LDB2: variants seen among roughly 807,000 people sequenced by gnomAD.
The protein encoded by LDB2 is LIM domain binding 2.
LDB2 carries 12 observed loss-of-function variants against 44.3 expected under a neutral mutation model. That is an observed-to-expected ratio of 0.27 (90% CI 0.17 to 0.44). The LOEUF is 0.44. LDB2 is among the 20% of genes least tolerant of loss of function. The pLI is 1.00. For missense variants in LDB2, 344 were observed against 473.5 expected (o/e 0.73, Z 2.54); for synonymous variants, 164 against 174.8 (o/e 0.94, Z 0.49).
intron 3 of LDB2, among the ~76,000 whole-genome samples, chr4:16,594,955 A>T (rs1720386182): frequency 1.3e-5 from 2 of 152,362 alleles, no homozygotes; most frequent in South Asian, 4.1e-4. Flanking sequence ...GCAAAAGGAC[A>T]TAAAGAGATT....
intron 7 of LDB2, chr4:16,507,346 G>A (rs2152213545): frequency 6.6e-6 from 1 of 150,454 alleles, no homozygotes; most frequent in East Asian, 1.9e-4. Context: ...GGAATCCTCA[G>A]GGTACTGATG....
chr4:16,710,530 G>A (rs1394213909), intron 2 of LDB2, among the ~76,000 whole-genome samples: 1 of 152,084 alleles, frequency 6.6e-6, no homozygotes, highest in East Asian at 1.9e-4. Flanking sequence ...TTTGTGGGCA[G>A]GACCCCAGAA....
At position 16,870,416 on chromosome 4, in the gene LDB2, A is replaced by G. The variant is rs770089572; in HGVS notation, c.132+27938T>C. 8.6e-5 allele frequency among the ~76,000 whole-genome samples: 13 copies of G among 151,512 alleles called. No individual in the cohort carries two copies. The South Asian group carries it at 1.5e-3, about 17-fold the overall frequency. ...AGGGGAAGTGGCTCTTAAAAATCACAAAGCTAATTAGGGGCTCTGCAATCC... is the reference window on the plus strand; with the variant it reads ...AGGGGAAGTGGCTCTTAAAAATCACGAAGCTAATTAGGGGCTCTGCAATCC... On this transcript the variant is annotated intron_variant, in intron 1 of 7. Coordinates refer to ENST00000304523, the MANE Select transcript of LDB2 (RefSeq NM_001290.5).
At chr4:16,688,706 C>T (rs1327245831) in intron 2 of LDB2, among the ~76,000 whole-genome samples, 7 of 152,134 alleles carry the variant, frequency 4.6e-5, no homozygotes, top group Non-Finnish European at 1.0e-4. Context: ...CAATGAGGTG[C>T]TGATACTATG....
At chr4:16,542,434 G>A (rs1263645822) in intron 5 of LDB2, among the ~76,000 whole-genome samples, 1 of 152,186 alleles carries the variant, frequency 6.6e-6, no homozygotes, top group African/African-American at 2.4e-5. Flanking sequence ...ATGCAATCAG[G>A]ACCCAATCAT....
chr4:16,890,561 C>T (rs1723076863), intron 1 of LDB2, among the ~76,000 whole-genome samples: 1 of 152,152 alleles, frequency 6.6e-6, no homozygotes, highest in African/African-American at 2.4e-5. Context: ...GTGTGGCTAC[C>T]AGGGCATCCA....
At chr4:16,833,830 C>T (rs1784451562) in intron 1 of LDB2, among the ~76,000 whole-genome samples, 1 of 152,162 alleles carries the variant, frequency 6.6e-6, no homozygotes, top group Non-Finnish European at 1.5e-5. Flanking sequence ...CATGAGCCAC[C>T]ACACCCCGCC....
chr4:16,865,508 A>G (rs1010425759), intron 1 of LDB2, among the ~76,000 whole-genome samples: 16 of 152,090 alleles, frequency 1.1e-4, no homozygotes, highest in African/African-American at 3.4e-4. Context: ...GCACCTCCTC[A>G]CACCAGCTCC....
intron 5 of LDB2, among the ~76,000 whole-genome samples, chr4:16,531,873 G>A (rs1730260441): frequency 6.6e-6 from 1 of 152,148 alleles, no homozygotes; most frequent in Non-Finnish European, 1.5e-5. Flanking sequence ...CATTGTGTAA[G>A]GAAATATGCC....
chr4:16,505,798 T>C (rs1719189225), intron 7 of LDB2: 1 of 1,500,812 alleles, frequency 6.7e-7, no homozygotes, highest in Admixed American at 2.2e-5. Flanking sequence ...CTCTCACCCA[T>C]TTCACATCTT....
At chr4:16,633,864 A>G (rs966032755) in intron 2 of LDB2, among the ~76,000 whole-genome samples, 2 of 152,218 alleles carry the variant, frequency 1.3e-5, no homozygotes, top group Admixed American at 1.3e-4. Flanking sequence ...TTCAAACTAT[A>G]CTAAAAGGCT....
At chr4:16,661,287 A>G (rs1247438398) in intron 2 of LDB2, among the ~76,000 whole-genome samples, 1 of 152,238 alleles carries the variant, frequency 6.6e-6, no homozygotes, top group South Asian at 2.1e-4. Flanking sequence ...AGCACTATGT[A>G]CCAACACATG....
intron 2 of LDB2, among the ~76,000 whole-genome samples, chr4:16,743,087 C>T (rs528049459): frequency 5.9e-5 from 9 of 152,068 alleles, no homozygotes; most frequent in African/African-American, 2.2e-4. Context: ...GTCAGGAGTT[C>T]GAGACCAGCC....
intron 1 of LDB2, among the ~76,000 whole-genome samples, chr4:16,769,486 G>A (rs1347173768): frequency 2.6e-5 from 4 of 151,746 alleles, no homozygotes; most frequent in South Asian, 2.1e-4. Flanking sequence ...TAGTAGAAAC[G>A]GGTTTCACCA....
intron 2 of LDB2, 76 bp downstream of exon 2, chr4:16,759,082 T>C (rs1288864174): frequency 4.4e-6 from 4 of 899,230 alleles, no homozygotes; most frequent in Non-Finnish European, 7.4e-6. Context: ...AGCTCTGTGC[T>C]ATTCTCTGAA....
At chr4:16,574,808 A>T (rs1439965411) in intron 5 of LDB2, among the ~76,000 whole-genome samples, 1 of 152,172 alleles carries the variant, frequency 6.6e-6, no homozygotes, top group East Asian at 1.9e-4. Flanking sequence ...TTCATGCCAA[A>T]CTTTTGAGAC....
At chr4:16,847,758 A>G (rs1011862802) in intron 1 of LDB2, among the ~76,000 whole-genome samples, 32 of 152,154 alleles carry the variant, frequency 2.1e-4, no homozygotes, top group Non-Finnish European at 4.4e-4. Context: ...CTGGGGCTAC[A>G]GGCGCCCGCC....
At chr4:16,732,201 C>T (rs1760901072) in intron 2 of LDB2, among the ~76,000 whole-genome samples, 1 of 152,158 alleles carries the variant, frequency 6.6e-6, no homozygotes, top group Admixed American at 6.5e-5. Flanking sequence ...CCACCCTCAG[C>T]CTTGCCTTTT....
intron 1 of LDB2, among the ~76,000 whole-genome samples, chr4:16,797,601 C>T (rs939552845): frequency 3.9e-5 from 6 of 152,006 alleles, no homozygotes; most frequent in African/African-American, 1.2e-4. Context: ...GTTACATTCT[C>T]GGGTCCTAGG....
Sources: gnomAD v4.1 joint callset for allele counts (sites outside exome capture counted in the v4.1 genomes callset) on GRCh38, gnomAD v4.1.1 for gene constraint, MANE v1.5 for transcripts, NCBI Gene and HGNC (gene_info 2026-07-23, HGNC 2026-07-21) for gene names.